ENOX1: variants seen among roughly 807,000 people sequenced by gnomAD.
ENOX1 encodes ecto-NOX disulfide-thiol exchanger 1, also known as candidate growth-related and time keeping constitutive hydroquinone (NADH) oxidase.
ENOX1 carries 42 observed loss-of-function variants against 82.5 expected under a neutral mutation model. The ratio of observed to expected loss-of-function variants is 0.51; its 90% confidence interval spans 0.40 to 0.66. The LOEUF is 0.66. Among genes scored for constraint, ENOX1 ranks in the 30% least tolerant of loss-of-function variants. The pLI is 0.00. For synonymous variants in ENOX1, 271 were observed against 282.2 expected (o/e 0.96, Z 0.40); for missense variants, 608 against 811.6 (o/e 0.75, Z 3.05).
At chr13:43,284,771 G>GGTGTGTGTGTGT (rs72187459) in intron 12 of ENOX1, among the ~76,000 whole-genome samples, 4 of 143,684 alleles carry the variant, frequency 2.8e-5, no homozygotes, top group African/African-American at 1.0e-4. Flanking sequence ...ATTTGTTAAA[G>GGTGTGTGTGTGT]GTGTGTGTGT....
At chr13:43,573,346 C>A (rs903660) in intron 2 of ENOX1, among the ~76,000 whole-genome samples, 1 of 151,950 alleles carries the variant, frequency 6.6e-6, no homozygotes, top group Non-Finnish European at 1.5e-5. Flanking sequence ...CCCACATGCC[C>A]TTATTCCCAT....
At chr13:43,773,837 C>A (rs1264594782) in intron 1 of ENOX1, among the ~76,000 whole-genome samples, 1 of 152,172 alleles carries the variant, frequency 6.6e-6, no homozygotes, top group Non-Finnish European at 1.5e-5. Flanking sequence ...ATGTTCCCAG[C>A]ATCTCATGTG....
At chr13:43,383,125 C>T (rs2052177221) in intron 5 of ENOX1, among the ~76,000 whole-genome samples, 1 of 152,130 alleles carries the variant, frequency 6.6e-6, no homozygotes, top group Non-Finnish European at 1.5e-5. Context: ...TGGTACCAGA[C>T]CTCAAAGGGT....
chr13:43,649,250 T>C (rs2084038706), intron 2 of ENOX1, among the ~76,000 whole-genome samples: 1 of 152,192 alleles, frequency 6.6e-6, no homozygotes, highest in Non-Finnish European at 1.5e-5. Flanking sequence ...ACCCCTTTCA[T>C]AGGTTGTCTA....
intron 5 of ENOX1, among the ~76,000 whole-genome samples, chr13:43,388,833 C>T (rs1443556080): frequency 6.6e-6 from 1 of 152,112 alleles, no homozygotes; most frequent in African/African-American, 2.4e-5. Flanking sequence ...GAATCATTAA[C>T]AGCTGAACAA....
chr13:43,599,955 C>G (rs1388596514), intron 2 of ENOX1, among the ~76,000 whole-genome samples: 5 of 151,830 alleles, frequency 3.3e-5, no homozygotes, highest in African/African-American at 1.2e-4. Context: ...GAAAAGGACC[C>G]AATCTTGGGT....
chr13:43,247,856 TATATATATATATATATATATATATA>T (rs1566329156), intron 14 of ENOX1, among the ~76,000 whole-genome samples: 472 of 4,322 alleles, frequency 0.11, 84 homozygotes, highest in African/African-American at 0.23. Flanking sequence ...TATATATATA[TATATATATATATATATATATATATA>T]TATTTTTTTT....
chr13:43,355,851 G>T, intron 8 of ENOX1, 68 bp downstream of exon 8: 2 of 1,463,790 alleles, frequency 1.4e-6, no homozygotes, highest in Non-Finnish European at 9.4e-7. Flanking sequence ...GGACGCAGGA[G>T]AAACGCACAG....
intron 3 of ENOX1, among the ~76,000 whole-genome samples, chr13:43,432,550 C>A (rs980644430): frequency 1.3e-5 from 2 of 151,952 alleles, no homozygotes; most frequent in South Asian, 2.1e-4. Context: ...GGCTGAGGCA[C>A]GAGAATTGCT....
chr13:43,605,008 TAC>T (rs1364966187), intron 2 of ENOX1, among the ~76,000 whole-genome samples: 7 of 152,192 alleles, frequency 4.6e-5, no homozygotes, highest in African/African-American at 1.7e-4. Context: ...TAATCCCATT[TAC>T]AACAGCTACA....
At chr13:43,494,159 G>A (rs2076716335) in intron 2 of ENOX1, among the ~76,000 whole-genome samples, 1 of 152,016 alleles carries the variant, frequency 6.6e-6, no homozygotes, top group Admixed American at 6.6e-5. Flanking sequence ...GAGATTTTGG[G>A]TGGGGACACA....
At chr13:43,377,523 A>G (rs2051725566) in intron 5 of ENOX1, among the ~76,000 whole-genome samples, 1 of 152,214 alleles carries the variant, frequency 6.6e-6, no homozygotes, top group South Asian at 2.1e-4. Flanking sequence ...CAAAACTCCT[A>G]GATATGATCC....
At chr13:43,701,500 T>C (rs151063964) in intron 1 of ENOX1, among the ~76,000 whole-genome samples, 39 of 152,332 alleles carry the variant, frequency 2.6e-4, no homozygotes, top group Non-Finnish European at 4.9e-4. Context: ...ATTGTGTGTA[T>C]ACCTTAGTGC....
At chr13:43,529,861 G>GACC (rs2078136677) in intron 2 of ENOX1, among the ~76,000 whole-genome samples, 1 of 151,840 alleles carries the variant, frequency 6.6e-6, no homozygotes, top group African/African-American at 2.4e-5. Flanking sequence ...ACTGTCTCTA[G>GACC]GCCCCAATTA....
At chr13:43,756,389 T>C (rs1221235832) in intron 1 of ENOX1, among the ~76,000 whole-genome samples, 1 of 147,052 alleles carries the variant, frequency 6.8e-6, no homozygotes, top group Non-Finnish European at 1.5e-5. Context: ...ACCGGGATCG[T>C]ACCACTGCAC....
chr13:43,754,182 T>C (rs1950505273), intron 1 of ENOX1, among the ~76,000 whole-genome samples: 1 of 116,718 alleles, frequency 8.6e-6, no homozygotes. Context: ...TACACGTATG[T>C]ATGTATATAT....
chr13:43,373,037 C>G (rs1339629137), intron 5 of ENOX1, among the ~76,000 whole-genome samples: 2 of 152,138 alleles, frequency 1.3e-5, no homozygotes, highest in African/African-American at 2.4e-5. Flanking sequence ...TCAAAGACTA[C>G]CTGGTACAGA....
intron 8 of ENOX1, among the ~76,000 whole-genome samples, chr13:43,347,852 G>A (rs886131092): frequency 3.3e-5 from 5 of 152,202 alleles, no homozygotes; most frequent in African/African-American, 1.2e-4. Flanking sequence ...ATGTGCAGAT[G>A]TGCTTTTTCC....
chr13:43,719,528 A>G (rs1265054501), intron 1 of ENOX1, among the ~76,000 whole-genome samples: 1 of 152,114 alleles, frequency 6.6e-6, no homozygotes, highest in Admixed American at 6.5e-5. Flanking sequence ...AAGATGAGAG[A>G]TAAGAAGATC....
Sources: gnomAD v4.1 joint callset for allele counts (sites outside exome capture counted in the v4.1 genomes callset) on GRCh38, gnomAD v4.1.1 for gene constraint, MANE v1.5 for transcripts, NCBI Gene and HGNC (gene_info 2026-07-23, HGNC 2026-07-21) for gene names.